NEGR1: variants seen among roughly 807,000 people sequenced by gnomAD.
NEGR1 encodes the protein IgLON family member 4.
In NEGR1, 10 loss-of-function variants were observed where a neutral mutation model predicts 40.9. That is an observed-to-expected ratio of 0.24 (90% CI 0.15 to 0.42). The LOEUF (loss-of-function observed/expected upper bound fraction) is 0.42. Among genes scored for constraint, NEGR1 ranks in the 10% least tolerant of loss-of-function variants. The pLI, the probability that NEGR1 is intolerant of heterozygous loss-of-function variation, is 1.00. For synonymous variants in NEGR1, 185 were observed against 166.8 expected, an observed-to-expected ratio of 1.11 and a Z score of -0.84; for missense variants, 352 against 438.9, an observed-to-expected ratio of 0.80 and a Z score of 1.77.
At chr1:71,425,649 CACTT>C (rs1646423946) in intron 6 of NEGR1, among the ~76,000 whole-genome samples, 1 of 152,148 alleles carries the variant, frequency 6.6e-6, no homozygotes, top group Non-Finnish European at 1.5e-5. Context: ...CCCCTCCACA[CACTT>C]TTTTTAATGT....
intron 6 of NEGR1, chr1:71,468,214 T>C (rs1646759103): frequency 6.6e-6 from 1 of 152,034 alleles, no homozygotes; most frequent in Non-Finnish European, 1.5e-5. Context: ...TTGATTTAGT[T>C]TGTTAGTTTA....
At chr1:72,040,434 TTAAA>T (rs1646942133) in intron 1 of NEGR1, among the ~76,000 whole-genome samples, 1 of 151,428 alleles carries the variant, frequency 6.6e-6, no homozygotes, top group African/African-American at 2.4e-5. Context: ...TAAGCACCTC[TTAAA>T]TAAAAACACC....
intron 1 of NEGR1, among the ~76,000 whole-genome samples, chr1:72,016,180 C>G (rs889845403): frequency 1.3e-5 from 2 of 151,808 alleles, no homozygotes; most frequent in Non-Finnish European, 2.9e-5. Context: ...CAAAGGAGAA[C>G]AGGAGATTAA....
At chr1:71,942,533 G>A (rs71651501) in intron 1 of NEGR1, among the ~76,000 whole-genome samples, 5 of 76,090 alleles carry the variant, frequency 6.6e-5, no homozygotes, top group African/African-American at 2.0e-4. Flanking sequence ...ACGGAGTCTC[G>A]CTCTGTCGCC....
chr1:71,588,224 C>T (rs1030388633), intron 6 of NEGR1, among the ~76,000 whole-genome samples: 3 of 151,956 alleles, frequency 2.0e-5, no homozygotes, highest in African/African-American at 7.2e-5. Flanking sequence ...TTTAGTTGCT[C>T]ATGTTCAGGA....
chr1:72,240,540 G>A lies in NEGR1; in HGVS notation c.176+41779C>T, dbSNP rs533365646. Among the ~76,000 whole-genome samples the A allele has an allele frequency of 2.6e-5, 4 of 151,848 alleles. No individual in the cohort carries two copies. In the South Asian group the frequency reaches 8.3e-4, roughly 32 times the overall value. On this transcript the variant is annotated intron_variant, in intron 1 of 6. Transcript: ENST00000357731. ...GAATTGTAACAGGAGATAAAACTTG[G>A]CTACACCAGTATGACCCTAAAGACA...
rs1421032432 is a variant in NEGR1, at chr1:71,405,497, T to G, written c.*1949A>C. Reference sequence around the variant, plus strand: ...ATAAATAATAAAGTTAAATGCCATATTTGTTCTAAAAACTCTTTTTTAATG... The same window carrying G: ...ATAAATAATAAAGTTAAATGCCATAGTTGTTCTAAAAACTCTTTTTTAATG... On this transcript the variant is annotated 3_prime_UTR_variant, in exon 7 of 7. Coordinates refer to ENST00000357731, the MANE Select transcript of NEGR1 (RefSeq NM_173808.3). 1 of 152,184 alleles carries G rather than the reference T, an allele frequency of 6.6e-6. No homozygotes were observed. Among genetic ancestry groups the G allele is most frequent in the African/African-American group, 2.4e-5 (1 of 41,336 alleles). The allele number at this position is 152,184 out of a possible 1,614,324, so 9.4% of individuals were successfully genotyped here. A position where few individuals can be genotyped will look rare whatever the true frequency, so the allele number is the denominator to read the frequency against.
At chr1:71,843,844 A>G (rs1659320150) in intron 2 of NEGR1, among the ~76,000 whole-genome samples, 1 of 152,204 alleles carries the variant, frequency 6.6e-6, no homozygotes, top group Non-Finnish European at 1.5e-5. Context: ...GAATCGCTCC[A>G]TTAATTCAAT....
chr1:71,561,347 A>T (rs545683486), intron 6 of NEGR1, among the ~76,000 whole-genome samples: 2 of 151,832 alleles, frequency 1.3e-5, no homozygotes, highest in African/African-American at 4.8e-5. Context: ...TAATTTTAAT[A>T]GGGCCTACTT....
chr1:72,036,642 C>T (rs1646905469), intron 1 of NEGR1, among the ~76,000 whole-genome samples: 1 of 130,090 alleles, frequency 7.7e-6, no homozygotes, highest in Admixed American at 8.7e-5. Context: ...GGAGACAGAG[C>T]GAGACTCCAT....
At chr1:72,062,420 C>G (rs1357624078) in intron 1 of NEGR1, among the ~76,000 whole-genome samples, 1 of 151,898 alleles carries the variant, frequency 6.6e-6, no homozygotes, top group Non-Finnish European at 1.5e-5. Flanking sequence ...GGTGCTATAT[C>G]TTGTACTACA....
chr1:71,826,922 C>A (rs919728405), intron 2 of NEGR1, among the ~76,000 whole-genome samples: 1 of 151,718 alleles, frequency 6.6e-6, no homozygotes, highest in African/African-American at 2.4e-5. Flanking sequence ...GAGTGGTAAG[C>A]AAATAGCATT....
intron 2 of NEGR1, among the ~76,000 whole-genome samples, chr1:71,924,598 T>A (rs565530889): frequency 8.5e-5 from 13 of 152,334 alleles, no homozygotes; most frequent in African/African-American, 3.1e-4. Context: ...ATTTTAATTG[T>A]GTAACTGTTG....
chr1:71,713,194 T>C (rs1284489008), intron 3 of NEGR1, among the ~76,000 whole-genome samples: 2 of 152,324 alleles, frequency 1.3e-5, no homozygotes, highest in East Asian at 3.9e-4. Context: ...TTATGAAACT[T>C]CCTATTCTAT....
intron 4 of NEGR1, among the ~76,000 whole-genome samples, chr1:71,695,931 C>A (rs907765851): frequency 4.0e-5 from 6 of 151,786 alleles, no homozygotes; most frequent in African/African-American, 1.2e-4. Context: ...GATGCTTCAA[C>A]TATGACATAA....
intron 1 of NEGR1, among the ~76,000 whole-genome samples, chr1:72,273,180 G>C (rs2100561039): frequency 6.6e-6 from 1 of 152,064 alleles, no homozygotes; most frequent in African/African-American, 2.4e-5. Context: ...CCTACCTCTA[G>C]GAGATGGTTA....
intron 1 of NEGR1, among the ~76,000 whole-genome samples, chr1:72,266,537 T>C (rs1655645442): frequency 6.6e-6 from 1 of 150,958 alleles, no homozygotes; most frequent in Admixed American, 6.6e-5. Flanking sequence ...AAAATATGTA[T>C]ATAATTAACT....
intron 3 of NEGR1, among the ~76,000 whole-genome samples, chr1:71,710,712 G>A (rs957129742): frequency 6.6e-6 from 1 of 152,094 alleles, no homozygotes; most frequent in African/African-American, 2.4e-5. Flanking sequence ...TGGTCATAAA[G>A]AGTAGAAGGA....
intron 1 of NEGR1, among the ~76,000 whole-genome samples, chr1:72,171,044 C>A (rs1458833652): frequency 1.3e-5 from 2 of 152,224 alleles, no homozygotes; most frequent in African/African-American, 4.8e-5. Flanking sequence ...TTGAATAAAA[C>A]CCCACATGGT....
Sources: allele counts gnomAD v4.1 joint callset (sites outside exome capture counted in the v4.1 genomes callset), GRCh38; gene constraint gnomAD v4.1.1; transcripts MANE v1.5; gene names NCBI Gene and HGNC (gene_info 2026-07-23, HGNC 2026-07-21).